The following RAD54L2 variants were observed in gnomAD, a reference collection of about 807,000 sequenced individuals.
The protein encoded by RAD54L2 is RAD54 like 2.
Under a neutral mutation model 138.4 loss-of-function variants are expected in RAD54L2, and 27 were observed. The ratio of observed to expected loss-of-function variants is 0.20; its 90% CI spans 0.14 to 0.27. The LOEUF (loss-of-function observed/expected upper bound fraction) is 0.27, where lower values mean the gene tolerates loss of function less well. Among genes scored for constraint, RAD54L2 ranks in the 10% least tolerant of loss-of-function variants. The probability of loss-of-function intolerance (pLI) is 1.00; values close to 1 mark genes in which losing one functional copy is unlikely to be tolerated. For synonymous variants in RAD54L2, 644 were observed against 723.2 expected, an observed-to-expected ratio of 0.89 and a Z score of 1.76; for missense variants, 1,396 against 1,890.2, an observed-to-expected ratio of 0.74 and a Z score of 4.85.
rs1309322835 is a variant in RAD54L2, at chr3:51,590,533, G to A, written c.113G>A (p.Arg38Lys). The A allele has an allele frequency of 2.6e-6, 4 of 1,552,438 alleles. No individual in the cohort carries two copies. Among genetic ancestry groups the A allele is most frequent in the Non-Finnish European group, 3.5e-6 (4 of 1,147,170 alleles). ...EEEVAVEECD[R>K]DDEEDLLDDP... ...GAGGTGGCAGTGGAGGAGTGTGACA[G>A]GGATGATGAAGAAGACCTGCTGGAT... The change falls in exon 3 of 23, where the codon AGG becomes AAG. Residue 38 changes from arginine (R) to lysine (K), a missense_variant. By Grantham distance (26) the Arg-to-Lys change is conservative. This residue lies in a region of RAD54L2 where 256 missense variants were observed against 344.6 expected (regional missense o/e 0.74). Transcript: ENST00000684192.
intron 2 of RAD54L2, among the ~76,000 whole-genome samples, chr3:51,570,907 C>G (rs1443840917): frequency 2.0e-5 from 3 of 151,414 alleles, no homozygotes; most frequent in African/African-American, 7.3e-5. Flanking sequence ...CTACAGTCTT[C>G]GTCTCAGGGG....
Position 51,597,753 on chromosome 3 carries a change from G to A in RAD54L2, c.139+7194G>A, listed in dbSNP as rs57567791. 4.8e-3 allele frequency among the ~76,000 whole-genome samples: 734 copies of A among 152,100 alleles called. 41 individuals carry two copies. In the East Asian group the frequency reaches 0.12, roughly 24 times the overall value. ...TGAAGAACGAGGATCGCTTGAACTC[G>A]TGAGGCAGTGGTTGCAGCGAGCCGA... On this transcript the variant is annotated intron_variant, in intron 3 of 22. Coordinates refer to ENST00000684192, the MANE Select transcript of RAD54L2 (RefSeq NM_015106.4).
At chr3:51,602,548 G>A (rs1444597772) in intron 3 of RAD54L2, among the ~76,000 whole-genome samples, 2 of 152,144 alleles carry the variant, frequency 1.3e-5, no homozygotes, top group Non-Finnish European at 2.9e-5. Context: ...GCTTGGAGTC[G>A]AAGTTGCTTA....
chr3:51,583,049 G>A (rs1448614220), intron 2 of RAD54L2, among the ~76,000 whole-genome samples: 1 of 152,148 alleles, frequency 6.6e-6, no homozygotes, highest in African/African-American at 2.4e-5. Flanking sequence ...ACAGGCATGA[G>A]CCACCATGCC....
intron 2 of RAD54L2, among the ~76,000 whole-genome samples, chr3:51,588,887 C>T (rs1002025023): frequency 2.0e-5 from 3 of 152,112 alleles, no homozygotes; most frequent in East Asian, 1.9e-4. Context: ...CGTTGGTGCT[C>T]GGTCTTCCTG....
chr3:51,544,178 A>G (rs1698629281), intron 2 of RAD54L2, among the ~76,000 whole-genome samples: 1 of 152,108 alleles, frequency 6.6e-6, no homozygotes, highest in African/African-American at 2.4e-5. Flanking sequence ...CTACTTGGCA[A>G]ATGTTTGTTG....
rs763645349 is a variant in RAD54L2, at chr3:51,663,390, C to CGATGAT, written c.4376_4381dup (p.Asp1459_Asp1460dup). On this transcript the variant is annotated inframe_insertion, in exon 23 of 23. Transcript: ENST00000684192. ...GCTCCAATGATGATGAGGATAAAGA[C>CGATGAT]GATGATGTGATAGAGGTCACTGGGA... 4 of 1,613,468 alleles carry CGATGAT rather than the reference C, an allele frequency of 2.5e-6. No homozygotes were observed. In the East Asian group the frequency reaches 8.9e-5, roughly 36 times the overall value.
intron 2 of RAD54L2, among the ~76,000 whole-genome samples, chr3:51,580,967 A>G (rs189612256): frequency 6.6e-6 from 1 of 152,238 alleles, no homozygotes; most frequent in Admixed American, 6.5e-5. Flanking sequence ...GTAGTCATCC[A>G]TTAACACTTT....
At chr3:51,576,286 A>T (rs1361999030) in intron 2 of RAD54L2, among the ~76,000 whole-genome samples, 1 of 152,182 alleles carries the variant, frequency 6.6e-6, no homozygotes, top group Non-Finnish European at 1.5e-5. Context: ...GATGTTCATC[A>T]GGGATATTGG....
intron 3 of RAD54L2, among the ~76,000 whole-genome samples, chr3:51,603,662 G>C (rs761586856): frequency 2.0e-5 from 3 of 152,048 alleles, no homozygotes; most frequent in Admixed American, 6.6e-5. Flanking sequence ...GGCTTGGAAG[G>C]CTGCCTGAAA....
intron 2 of RAD54L2, among the ~76,000 whole-genome samples, chr3:51,578,859 C>T (rs1699542796): frequency 6.6e-6 from 1 of 152,138 alleles, no homozygotes; most frequent in Non-Finnish European, 1.5e-5. Flanking sequence ...GCCTCTTGCA[C>T]CCACCCTCAT....
At chr3:51,634,097 G>A (rs1675284418) in intron 9 of RAD54L2, 62 bp downstream of exon 9, 17 of 1,559,802 alleles carry the variant, frequency 1.1e-5, no homozygotes, top group Non-Finnish European at 1.4e-5. Flanking sequence ...GTGATCTGAT[G>A]TTAAGGCAGT....
chr3:51,573,122 C>A (rs1035694111), intron 2 of RAD54L2, among the ~76,000 whole-genome samples: 1 of 152,120 alleles, frequency 6.6e-6, no homozygotes, highest in Non-Finnish European at 1.5e-5. Context: ...TTACAAGATT[C>A]TTCAAAACTG....
intron 2 of RAD54L2, among the ~76,000 whole-genome samples, chr3:51,565,094 C>G (rs144735235): frequency 8.5e-5 from 13 of 152,290 alleles, no homozygotes; most frequent in Non-Finnish European, 1.3e-4. Context: ...TCCTCAGGTG[C>G]TTGGGGAAGC....
At chr3:51,558,493 TCTTG>T (rs1436064070) in intron 2 of RAD54L2, among the ~76,000 whole-genome samples, 1 of 150,990 alleles carries the variant, frequency 6.6e-6, no homozygotes, top group South Asian at 2.1e-4. Flanking sequence ...TGAGACAGGG[TCTTG>T]CTTGCTGTGT....
intron 10 of RAD54L2, among the ~76,000 whole-genome samples, 159 bp downstream of exon 10, chr3:51,635,948 T>A (rs1225495712): frequency 6.6e-6 from 1 of 152,186 alleles, no homozygotes; most frequent in Admixed American, 6.5e-5. Context: ...TGACTTCCAA[T>A]GGCTCTGAGA....
chr3:51,663,468 A>G lies in RAD54L2; in HGVS notation c.*48A>G. ...ACTTGGGGCCCCCAGCAGGTTGCCC[A>G]CCAAGCTGAAAGGCAGTGATTTAGA... On this transcript the variant is annotated 3_prime_UTR_variant, in exon 23 of 23. Transcript: ENST00000684192. 6.4e-7 allele frequency: 1 copy of G among 1,570,628 alleles called. No homozygotes were observed. The highest frequency in any genetic ancestry group is 8.7e-7 in the Non-Finnish European group (1 of 1,153,422).
At chr3:51,611,290 A>G (rs1700321243) in intron 3 of RAD54L2, 1 of 151,418 alleles carries the variant, frequency 6.6e-6, no homozygotes, top group African/African-American at 2.4e-5. Flanking sequence ...TTGTGAGTAC[A>G]TAGTAGGTGT....
chr3:51,597,736 G>A (rs993952015), intron 3 of RAD54L2, among the ~76,000 whole-genome samples: 4 of 152,072 alleles, frequency 2.6e-5, no homozygotes, highest in Non-Finnish European at 5.9e-5. Context: ...GCTGAAGAAC[G>A]AGGATCGCTT....
Sources: allele counts gnomAD v4.1 joint callset (sites outside exome capture counted in the v4.1 genomes callset), GRCh38; gene constraint gnomAD v4.1.1; regional missense constraint gnomAD v4.1.1; transcripts MANE v1.5; gene names NCBI Gene and HGNC (gene_info 2026-07-23, HGNC 2026-07-21).